The following OTOG variants were observed in gnomAD, a reference collection of about 807,000 sequenced individuals.
OTOG encodes the protein otogelin.
In OTOG, 296 loss-of-function variants were observed where a neutral mutation model predicts 313.8. The observed-to-expected ratio is 0.94, with a 90% CI of 0.86 to 1.04. OTOG has a LOEUF of 1.04. Among genes scored for constraint, OTOG ranks in the 50% least tolerant of loss-of-function variants. The pLI, the probability that OTOG is intolerant of heterozygous loss-of-function variation, is 0.00. For missense variants in OTOG, 3,948 were observed against 3,840.1 expected, an observed-to-expected ratio of 1.03 and a Z score of -0.74; for synonymous variants, 1,533 against 1,554.9, an observed-to-expected ratio of 0.99 and a Z score of 0.33.
intron 6 of OTOG, 35 bp downstream of exon 6, chr11:17,553,554 CT>C: frequency 7.1e-7 from 1 of 1,404,866 alleles, no homozygotes; most frequent in South Asian, 1.8e-5. Context: ...TCCAGGAATG[CT>C]TCTCTAGGCC....
In OTOG at chr11:17,632,144, G is replaced by C; in HGVS notation, c.6990G>C (p.Gln2330His). Residue 2330 changes from glutamine (Q) to histidine (H), a missense_variant, in exon 42 of 56, where the codon CAG becomes CAC. By Grantham distance (24) the Gln-to-His change is conservative. Coordinates refer to ENST00000399397, the MANE Select transcript of OTOG (RefSeq NM_001292063.2). ...TCCGGGACACCAAGTACGTGCAGCA[G>C]CCCTGCGTGGCCCTGACTGTGTACG... ...LWIRDTKYVQ[Q>H]PCVALTVYVA... is the part of the protein sequence containing the mutation. The C allele has an allele frequency of 6.4e-7, 1 of 1,551,056 alleles. No individual in the cohort carries two copies. Among genetic ancestry groups the C allele is most frequent in the Non-Finnish European group, 8.7e-7 (1 of 1,147,002 alleles).
In OTOG at chr11:17,558,201, C is replaced by G. The variant is rs553788179; in HGVS notation, c.882C>G (p.Asp294Glu). 1.3e-6 allele frequency: 2 copies of G among 1,550,544 alleles called. No individual in the cohort carries two copies. Among genetic ancestry groups the G allele is most frequent in the Admixed American group, 2.0e-5 (1 of 51,000 alleles). The part of the protein sequence containing the change: ...LVTSSGKLTD[D>E]VVEFVHSWQE... ...CTCCTCCAGGGAAGCTGACTGACGA[C>G]GTGGTTGAGTTTGTGCACAGCTGGC... Residue 294 changes from aspartate (D) to glutamate (E), a missense_variant, in exon 9 of 56, where the codon GAC becomes GAG. Coordinates refer to ENST00000399397, the MANE Select transcript of OTOG (RefSeq NM_001292063.2).
At chr11:17,632,920 G>A (rs189149957) in intron 42 of OTOG, among the ~76,000 whole-genome samples, 46 of 152,288 alleles carry the variant, frequency 3.0e-4, no homozygotes, top group Non-Finnish European at 2.9e-4. Context: ...CCAACTCAGC[G>A]GGTATGAAAT....
rs764706873 is a variant in OTOG, at chr11:17,552,021, G to T, written c.238G>T (p.Val80Leu). 2 of 1,550,464 alleles carry T rather than the reference G, an allele frequency of 1.3e-6. No homozygotes were observed. Among genetic ancestry groups the T allele is most frequent in the Admixed American group, 2.0e-5 (1 of 50,994 alleles). Residue 80 changes from valine to leucine, a missense_variant, in exon 4 of 56, where the codon GTG becomes TTG. Transcript: ENST00000399397. Reference sequence around the variant, plus strand: ...CAAGCAGGCTGAAGCCCCAGACTCCGTGGCCATGTCTTCCTGGGAAAGGCG... The same window carrying T: ...CAAGCAGGCTGAAGCCCCAGACTCCTTGGCCATGTCTTCCTGGGAAAGGCG... Reference protein sequence around the residue: ...GGQQAEAPDSVAMSSWERRLH... With the variant: ...GGQQAEAPDSLAMSSWERRLH...
chr11:17,576,545 T>A lies in OTOG; in HGVS notation c.2487-11T>A, dbSNP rs1443390220. ...GCCTGCTCACCTTTCTTTGCTCCCA[T>A]TTTTTTATAGGAACCAGTGCTCCTG... On this transcript the variant is annotated splice_polypyrimidine_tract_variant and intron_variant, in intron 20 of 55. Coordinates refer to ENST00000399397, the MANE Select transcript of OTOG (RefSeq NM_001292063.2). 6.5e-7 allele frequency: 1 copy of A among 1,547,380 alleles called. No homozygotes were observed. The highest frequency in any genetic ancestry group is 2.0e-5 in the Admixed American group (1 of 50,990).
Position 17,643,467 on chromosome 11 carries a change from G to T in OTOG, c.8422G>T (p.Gly2808Cys). Residue 2808 changes from glycine (G) to cysteine (C), a missense_variant, in exon 54 of 56, where the codon GGT becomes TGT. Transcript: ENST00000399397. ...CCCGACTTCCTCTCTCTAGGTTGGG[G>T]GTTCCGTGGTACCTTCCTTGGAAGG... Reference protein sequence around the residue: ...LNETECAKVGGSVVPSLEGCC... With the variant: ...LNETECAKVGCSVVPSLEGCC... The T allele has an allele frequency of 6.8e-7, 1 of 1,461,472 alleles. No homozygotes were observed. Among genetic ancestry groups the T allele is most frequent in the Non-Finnish European group, 9.1e-7 (1 of 1,100,804 alleles). 90.5% of individuals were successfully genotyped at this position (1,461,472 alleles called of 1,614,324 possible). A position where few individuals can be genotyped will look rare whatever the true frequency, so the allele number is the denominator to read the frequency against.
At chr11:17,585,884 T>A (rs1852782271) in intron 23 of OTOG, among the ~76,000 whole-genome samples, 1 of 152,230 alleles carries the variant, frequency 6.6e-6, no homozygotes. Context: ...TTCAGGTAGA[T>A]CCTGGATTTG....
At chr11:17,583,454 C>A (rs571664986) in intron 23 of OTOG, among the ~76,000 whole-genome samples, 1 of 152,086 alleles carries the variant, frequency 6.6e-6, no homozygotes, top group Non-Finnish European at 1.5e-5. Context: ...TACATTTAAG[C>A]CTATGACCTA....
chr11:17,628,368 G>T (rs1327526851), intron 39 of OTOG, among the ~76,000 whole-genome samples: 1 of 151,948 alleles, frequency 6.6e-6, no homozygotes, highest in Non-Finnish European at 1.5e-5. Flanking sequence ...AAGGGAGGAG[G>T]TTAATTCATT....
At position 17,562,045 on chromosome 11, in the gene OTOG, A is replaced by AT. The variant is rs1565093520; in HGVS notation, c.1644+238_1644+239insT. The stretch of plus-strand genomic sequence containing the variant: ...TTTAGGATTTTACTACCTAAAAAAA[A>AT]AATATATATATATATATATATATAT... On this transcript the variant is annotated intron_variant, in intron 15 of 55. Transcript: ENST00000399397. Among the ~76,000 whole-genome samples the AT allele has an allele frequency of 9.8e-4, 118 of 120,198 alleles. 2 individuals carry two copies. The East Asian group carries it at 0.014, about 15-fold the overall frequency. The allele number at this position is 120,198 out of a possible 152,430, so 78.9% of individuals were successfully genotyped here.
chr11:17,578,366 C>A lies in OTOG; in HGVS notation c.2606-7C>A. 1 of 1,498,778 alleles carries A rather than the reference C, an allele frequency of 6.7e-7. No individual in the cohort carries two copies. Among genetic ancestry groups the A allele is most frequent in the South Asian group, 1.3e-5 (1 of 79,086 alleles). 92.8% of individuals were successfully genotyped at this position (1,498,778 alleles called of 1,614,324 possible). On this transcript the variant is annotated splice_region_variant and splice_polypyrimidine_tract_variant and intron_variant, in intron 22 of 55. Transcript: ENST00000399397. The stretch of plus-strand genomic sequence containing the variant: ...AGGGCCTCCGCTCCCATCTTCTTCT[C>A]TTCCAGCTGCTGCCTGCCCAGCAGG...
At chr11:17,557,017 G>A in intron 7 of OTOG, 101 bp from the exon 8 acceptor site, 3 of 1,105,112 alleles carry the variant, frequency 2.7e-6, no homozygotes, top group Non-Finnish European at 3.9e-6. Context: ...GGGAAGTGGG[G>A]GCCTTGGATC....
At chr11:17,565,600 T>A (rs993217671) in intron 15 of OTOG, among the ~76,000 whole-genome samples, 3 of 152,244 alleles carry the variant, frequency 2.0e-5, no homozygotes, top group Admixed American at 1.3e-4. Context: ...AGAATCTACA[T>A]GCATTATTTA....
rs1852048912 is a variant in OTOG at position 17,555,892 on chromosome 11, C to A, written c.654C>A (p.Gly218=). Residue 218 remains glycine, a synonymous_variant, in exon 7 of 56, where the codon GGC becomes GGA. Coordinates refer to ENST00000399397, the MANE Select transcript of OTOG (RefSeq NM_001292063.2). ...TGGCCAAGGAGGTCACCCATGGAGGCATGAGGTAACTCTAACACCTTCCAC... is the reference window on the plus strand; with the variant it reads ...TGGCCAAGGAGGTCACCCATGGAGGAATGAGGTAACTCTAACACCTTCCAC... ...IHLAKEVTHG[G]MRVQLPHVMG... 2.6e-6 allele frequency: 4 copies of A among 1,549,660 alleles called. No homozygotes were observed. In the East Asian group the frequency reaches 7.3e-5, roughly 28 times the overall value.
chr11:17,576,924 G>A lies in OTOG; in HGVS notation c.2605+13G>A, dbSNP rs1377243660. 6.5e-7 allele frequency: 1 copy of A among 1,550,168 alleles called. No homozygotes were observed. The highest frequency in any genetic ancestry group is 2.4e-5 in the East Asian group (1 of 40,922). ...AGCAGAGCCCCAGGTAAGGGTGGGT[G>A]GAGGGGTGGAGCCCTTCTGGGGGCT... On this transcript the variant is annotated intron_variant, in intron 22 of 55. Transcript: ENST00000399397.
chr11:17,638,647 A>G, intron 48 of OTOG, 98 bp downstream of exon 48: 1 of 1,482,690 alleles, frequency 6.7e-7, no homozygotes, highest in Non-Finnish European at 9.2e-7. Flanking sequence ...CACTCCTCTC[A>G]GATCTGTCCC....
chr11:17,608,386 G>A lies in OTOG; in HGVS notation c.4247G>A (p.Arg1416Gln), dbSNP rs147318012. 149 of 1,545,404 alleles carry A rather than the reference G, an allele frequency of 9.6e-5. 1 individual carries two copies. The East Asian group carries it at 3.4e-3, about 35-fold the overall frequency. The change falls in exon 34 of 56, where the codon CGG (arginine) becomes CAG (glutamine). Residue 1416 changes from arginine to glutamine, a missense_variant. Physicochemically the swap from Arg to Gln is conservative, Grantham distance 43. Transcript: ENST00000399397. Reference protein sequence around the residue: ...SPCFQTCRDPRAASCRDVPRV... With the variant: ...SPCFQTCRDPQAASCRDVPRV... ...TGCTTCCAAACCTGCCGGGACCCAC[G>A]GGCAGCCAGCTGCCGGGACGTACCC...
Position 17,612,736 on chromosome 11 carries a change from C to T in OTOG, c.6409C>T (p.His2137Tyr), listed in dbSNP as rs1200717591. The T allele has an allele frequency of 1.3e-6, 2 of 1,550,474 alleles. No homozygotes were observed. Among genetic ancestry groups the T allele is most frequent in the African/African-American group, 2.7e-5 (2 of 73,042 alleles). Reference protein sequence around the residue: ...SQSPDEMLTVHVLDCKSANLG... With the variant: ...SQSPDEMLTVYVLDCKSANLG... Reference sequence around the variant, plus strand: ...GAGCCCAGATGAAATGCTCACCGTCCATGTACTGGACTGCAAAAGTGCCAA... The same window carrying T: ...GAGCCCAGATGAAATGCTCACCGTCTATGTACTGGACTGCAAAAGTGCCAA... Residue 2137 changes from histidine to tyrosine, a missense_variant, in exon 38 of 56, where the codon CAT (histidine) becomes TAT (tyrosine). Coordinates refer to ENST00000399397, the MANE Select transcript of OTOG (RefSeq NM_001292063.2).
chr11:17,597,112 T>C, intron 30 of OTOG, 105 bp downstream of exon 30: 1 of 1,387,268 alleles, frequency 7.2e-7, no homozygotes, highest in Non-Finnish European at 9.6e-7. Flanking sequence ...GTACTTAGAA[T>C]GTACCAAGCA....
Sources: allele counts gnomAD v4.1 joint callset (sites outside exome capture counted in the v4.1 genomes callset), GRCh38; gene constraint gnomAD v4.1.1; transcripts MANE v1.5; gene names NCBI Gene and HGNC (gene_info 2026-07-23, HGNC 2026-07-21).